ANKS1A: variants seen among roughly 807,000 people sequenced by gnomAD.
The protein encoded by ANKS1A is ankyrin repeat and sterile alpha motif domain containing 1A.
A neutral mutation model predicts 120.3 loss-of-function variants in ANKS1A; 55 were observed. The ratio of observed to expected loss-of-function variants is 0.46; its 90% CI spans 0.37 to 0.57. The LOEUF (loss-of-function observed/expected upper bound fraction) is 0.57. Ranked by LOEUF, ANKS1A falls within the 20% of genes least tolerant of loss-of-function variation. The pLI, the probability that ANKS1A is intolerant of heterozygous loss-of-function variation, is 0.00. For synonymous variants in ANKS1A, 590 were observed against 604.7 expected (o/e 0.98, Z 0.36); for missense variants, 1,123 against 1,480.3 (o/e 0.76, Z 3.96).
chr6:34,931,381 C>T (rs1768973661), intron 1 of ANKS1A, among the ~76,000 whole-genome samples: 1 of 152,174 alleles, frequency 6.6e-6, no homozygotes, highest in Non-Finnish European at 1.5e-5. Flanking sequence ...CTCCTGACCT[C>T]AGGTGATCCA....
At chr6:35,087,097 GTC>G in intron 23 of ANKS1A, 48 bp downstream of exon 23, 1 of 1,549,052 alleles carries the variant, frequency 6.5e-7, no homozygotes, top group Non-Finnish European at 8.9e-7. Flanking sequence ...GTCTCCACTA[GTC>G]TCACTGTGCC....
chr6:34,933,313 G>C (rs566269250), intron 1 of ANKS1A, among the ~76,000 whole-genome samples: 3 of 152,282 alleles, frequency 2.0e-5, no homozygotes, highest in East Asian at 3.9e-4. Context: ...TTTGACACTT[G>C]CTATTAGTAA....
chr6:34,910,475 C>G lies in ANKS1A; in HGVS notation c.197+20876C>G, dbSNP rs1403143524. Among the ~76,000 whole-genome samples the G allele has an allele frequency of 2.6e-5, 4 of 152,146 alleles. No homozygotes were observed. The East Asian group carries it at 7.7e-4, about 29-fold the overall frequency. On this transcript the variant is annotated intron_variant, in intron 1 of 23. Transcript: ENST00000360359. ...ACTCAGGAGACTGAGGTGGGAGGAT[C>G]ACTTGAGCCTCGGAGGTGGAGGCTG...
chr6:34,916,721 T>G (rs756406753), intron 1 of ANKS1A, among the ~76,000 whole-genome samples: 3 of 152,218 alleles, frequency 2.0e-5, no homozygotes, highest in African/African-American at 7.2e-5. Flanking sequence ...AAGTTCCTTC[T>G]GTGTAGGATT....
chr6:35,092,136 A>C (rs1778328440), downstream of ANKS1A, among the ~76,000 whole-genome samples: 1 of 152,164 alleles, frequency 6.6e-6, no homozygotes, highest in Admixed American at 6.5e-5. Flanking sequence ...TTCATAAAGC[A>C]GGGCCCAGGG....
At chr6:34,936,807 G>A (rs847851) in intron 1 of ANKS1A, among the ~76,000 whole-genome samples, 70,306 of 152,062 alleles carry the variant, frequency 0.46, 21,510 homozygotes, top group African/African-American at 0.85. Context: ...ACACCTAGAT[G>A]AGCAAATTTA....
intron 9 of ANKS1A, among the ~76,000 whole-genome samples, chr6:34,991,743 CATATATACACACATATATATATACACAT>C (rs200229732): frequency 0.69 from 66,092 of 96,342 alleles, 22,604 homozygotes; most frequent in Non-Finnish European, 0.77. Context: ...CATATATATA[CATATATACACACATATATATATACACAT>C]ATATATACAC....
At chr6:34,999,400 G>T (rs1416337118) in intron 10 of ANKS1A, among the ~76,000 whole-genome samples, 2 of 152,086 alleles carry the variant, frequency 1.3e-5, no homozygotes, top group Admixed American at 1.3e-4. Flanking sequence ...TTTGATTTTG[G>T]TTTGGTGTAA....
intron 11 of ANKS1A, among the ~76,000 whole-genome samples, chr6:35,033,351 G>C (rs1291510284): frequency 6.6e-6 from 1 of 152,200 alleles, no homozygotes. Context: ...TGTGCTTACA[G>C]CCATTACGGG....
chr6:34,946,946 CAGAAAGT>C (rs1769829162), intron 1 of ANKS1A, among the ~76,000 whole-genome samples: 1 of 152,166 alleles, frequency 6.6e-6, no homozygotes, highest in African/African-American at 2.4e-5. Flanking sequence ...AGCAGTCAGG[CAGAAAGT>C]GTTTGCATGC....
At position 35,087,024 on chromosome 6, in the gene ANKS1A, G is replaced by C; in HGVS notation, c.3376G>C (p.Asp1126His). Residue 1126 changes from aspartate (D) to histidine (H), a missense_variant, in exon 23 of 24, where the codon GAC (aspartate) becomes CAC (histidine). Transcript: ENST00000360359. The part of the protein sequence containing the change: ...SVSWVVDPKP[D>H]SKRSLSTN ...CTCCTGGGTTGTGGACCCCAAACCA[G>C]ACTCTAAGCGGAGCCTCAGCACCAA... 1 of 1,614,182 alleles carries C rather than the reference G, an allele frequency of 6.2e-7. No homozygotes were observed. Among genetic ancestry groups the C allele is most frequent in the Non-Finnish European group, 8.5e-7 (1 of 1,180,014 alleles).
intron 1 of ANKS1A, among the ~76,000 whole-genome samples, chr6:34,965,463 T>C (rs1770847449): frequency 6.6e-6 from 1 of 152,150 alleles, no homozygotes; most frequent in Admixed American, 6.5e-5. Context: ...GCAATTCTCC[T>C]GTCTCAGCCT....
chr6:35,087,704 A>G (rs1179267706), intron 23 of ANKS1A, among the ~76,000 whole-genome samples: 2 of 152,226 alleles, frequency 1.3e-5, no homozygotes, highest in African/African-American at 4.8e-5. Context: ...GACCAGGGAC[A>G]GACTGCTTTC....
intron 10 of ANKS1A, chr6:35,009,959 A>T (rs1773668081): frequency 7.2e-6 from 2 of 275,994 alleles, no homozygotes; most frequent in African/African-American, 4.9e-5. Flanking sequence ...GACGAGAGAG[A>T]TTGAAGAGGT....
At chr6:34,936,313 GC>G (rs907993323) in intron 1 of ANKS1A, among the ~76,000 whole-genome samples, 45 of 152,224 alleles carry the variant, frequency 3.0e-4, no homozygotes, top group African/African-American at 1.0e-3. Flanking sequence ...TCTGAAGGGC[GC>G]GAGATTCTGA....
chr6:35,088,738 C>G lies in ANKS1A; in HGVS notation c.*129C>G. On this transcript the variant is annotated 3_prime_UTR_variant, in exon 24 of 24. Transcript: ENST00000360359. ...CTCACCTCCGCCTGCAGGACCTCCT[C>G]TTGGCCACTTGGCCTGGGCCTGCCA... is the stretch of plus-strand genomic sequence containing the variant. 6.3e-7 allele frequency: 1 copy of G among 1,591,508 alleles called. No individual in the cohort carries two copies.
intron 9 of ANKS1A, among the ~76,000 whole-genome samples, chr6:34,990,291 C>A (rs35079282): frequency 1.3e-5 from 2 of 152,146 alleles, no homozygotes; most frequent in Admixed American, 6.5e-5. Context: ...GGGAAGATTT[C>A]TATGCTAGGT....
At chr6:34,951,022 G>C (rs1286314394) in intron 1 of ANKS1A, among the ~76,000 whole-genome samples, 6 of 152,108 alleles carry the variant, frequency 3.9e-5, no homozygotes, top group Non-Finnish European at 8.8e-5. Flanking sequence ...TCAAAGCTTG[G>C]TATGTAGCCT....
At chr6:34,956,354 T>TG (rs1425929790) in intron 1 of ANKS1A, among the ~76,000 whole-genome samples, 1 of 151,960 alleles carries the variant, frequency 6.6e-6, no homozygotes, top group African/African-American at 2.4e-5. Context: ...TCTGTTTTTT[T>TG]GGGTTTTTTT....
Sources: allele counts gnomAD v4.1 joint callset (sites outside exome capture counted in the v4.1 genomes callset), GRCh38; gene constraint gnomAD v4.1.1; transcripts MANE v1.5; gene names NCBI Gene and HGNC (gene_info 2026-07-23, HGNC 2026-07-21).